INTS1: variants seen among roughly 807,000 people sequenced by gnomAD.
INTS1 encodes the protein integrator complex subunit 1.
In INTS1, 137 loss-of-function variants were observed where a neutral mutation model predicts 241.6. That is an observed-to-expected ratio of 0.57 (90% CI 0.49 to 0.65). INTS1 has a LOEUF of 0.65. INTS1 is among the 30% of genes least tolerant of loss of function. The pLI is 0.00. For missense variants in INTS1, 3,073 were observed against 3,032.2 expected (o/e 1.01, Z -0.32); for synonymous variants, 1,692 against 1,337.8 (o/e 1.26, Z -5.78).
intron 33 of INTS1, 68 bp downstream of exon 33, chr7:1,478,298 A>G: frequency 6.4e-7 from 1 of 1,555,724 alleles, no homozygotes; most frequent in South Asian, 1.1e-5. Context: ...CTGGGCAGCT[A>G]GAAGGAGCCT....
Position 1,471,173 on chromosome 7 carries a change from C to T in INTS1, c.6307G>A (p.Ala2103Thr), listed in dbSNP as rs537368704. ...ATGGAGCGCAGGGCCAGGCTGAAGG[C>T]GAGGTTGCGGCAACACTCCTCGGCC... is the stretch of plus-strand genomic sequence containing the variant. The part of the protein sequence containing the change: ...SSAEECCRNL[A>T]FSLALRSMQN... The change falls in exon 46 of 48, where the codon GCC (alanine) becomes ACC (threonine). Residue 2103 changes from alanine (A) to threonine (T), a missense_variant. Ala to Thr is a moderately conservative substitution (Grantham distance 58). Coordinates refer to ENST00000404767, the MANE Select transcript of INTS1 (RefSeq NM_001080453.3). The T allele has an allele frequency of 3.9e-5, 61 of 1,583,026 alleles. No homozygotes were observed. The highest frequency in any genetic ancestry group is 5.0e-5 in the Non-Finnish European group (58 of 1,166,096).
chr7:1,474,392 G>C lies in INTS1; in HGVS notation c.5637-32C>G, dbSNP rs577307045. Reference sequence around the variant, plus strand: ...GCGCGGTGAGGGCCCAGTCAGCCCCGGCCGGCGGGCTCACCTGGCGCACGT... The same window carrying C: ...GCGCGGTGAGGGCCCAGTCAGCCCCCGCCGGCGGGCTCACCTGGCGCACGT... On this transcript the variant is annotated intron_variant, in intron 40 of 47. Transcript: ENST00000404767. 3.2e-5 allele frequency: 50 copies of C among 1,548,012 alleles called. No individual in the cohort carries two copies. In the African/African-American group the frequency reaches 6.3e-4, roughly 20 times the overall value.
At position 1,474,801 on chromosome 7, in the gene INTS1, G is replaced by C. The variant is rs201606213; in HGVS notation, c.5540C>G (p.Ala1847Gly). The C allele has an allele frequency of 2.5e-6, 4 of 1,589,348 alleles. No homozygotes were observed. Among genetic ancestry groups the C allele is most frequent in the African/African-American group, 1.3e-5 (1 of 74,430 alleles). The change falls in exon 40 of 48, where the codon GCG becomes GGG. Residue 1847 changes from alanine (A) to glycine (G), a missense_variant. By Grantham distance (60) the Ala-to-Gly change is moderately conservative. Transcript: ENST00000404767. The stretch of plus-strand genomic sequence containing the variant: ...CAACGCCCGGGAGTCGCTGGTGTCC[G>C]CAAGGAGCGTGATGAAGCGGTGGAT... The part of the protein sequence containing the change: ...GLIHRFITLL[A>G]DTSDSRALEN...
rs977255204 is a variant in INTS1, at chr7:1,503,163, A to G, written c.87T>C (p.Ala29=). 5.8e-6 allele frequency: 9 copies of G among 1,553,336 alleles called. No homozygotes were observed. The highest frequency in any genetic ancestry group is 1.4e-5 in the African/African-American group (1 of 72,978). ...SGHPPPGDFI[A]LGSKGQANES... is the part of the protein sequence containing the mutation. ...CATTGGCCTGACCCTTTGAGCCCAG[A>G]GCAATGAAGTCTCCTGGGGGAGGGT... The change falls in exon 3 of 48, where the codon GCT becomes GCC. Residue 29 remains alanine (A), a synonymous_variant. Coordinates refer to ENST00000404767, the MANE Select transcript of INTS1 (RefSeq NM_001080453.3).
At position 1,487,349 on chromosome 7, in the gene INTS1, C is replaced by G; in HGVS notation, c.2617G>C (p.Asp873His). 1.2e-6 allele frequency: 2 copies of G among 1,605,864 alleles called. No homozygotes were observed. The highest frequency in any genetic ancestry group is 1.7e-6 in the Non-Finnish European group (2 of 1,176,568). Residue 873 changes from aspartate (D) to histidine (H), a missense_variant, in exon 20 of 48, where the codon GAC becomes CAC. Physicochemically the swap from Asp to His is moderately conservative, Grantham distance 81. Coordinates refer to ENST00000404767, the MANE Select transcript of INTS1 (RefSeq NM_001080453.3). ...CGCTGGATGATGTGGAGGAGAAAGTCAGGGTTTCGGCTGCGGCACAAGAGG... is the reference window on the plus strand; with the variant it reads ...CGCTGGATGATGTGGAGGAGAAAGTGAGGGTTTCGGCTGCGGCACAAGAGG... ...GHLLCRSRNP[D>H]FLLHIIQRQA...
At chr7:1,487,716 G>C (rs1211871738) in intron 19 of INTS1, 44 bp downstream of exon 19, 1 of 1,594,830 alleles carries the variant, frequency 6.3e-7, no homozygotes, top group South Asian at 1.1e-5. Context: ...ACCACCCACA[G>C]GTCCCGACGG....
rs1468041952 is a variant in INTS1 at position 1,489,639 on chromosome 7, C to G, written c.2209G>C (p.Ala737Pro). Residue 737 changes from alanine (A) to proline (P), a missense_variant, in exon 17 of 48, where the codon GCC becomes CCC. Coordinates refer to ENST00000404767, the MANE Select transcript of INTS1 (RefSeq NM_001080453.3). ...GCGACGACCAGCAGGAGGGGCCAGGCCTTCCAGTAGAGGGTAGAGATGGCG... is the reference window on the plus strand; with the variant it reads ...GCGACGACCAGCAGGAGGGGCCAGGGCTTCCAGTAGAGGGTAGAGATGGCG... ...NLAISTLYWK[A>P]WPLLLVVAAF... 6.3e-7 allele frequency: 1 copy of G among 1,590,154 alleles called. No homozygotes were observed. The highest frequency in any genetic ancestry group is 8.6e-7 in the Non-Finnish European group (1 of 1,167,540).
At position 1,504,080 on chromosome 7, in the gene INTS1, G is replaced by A. The variant is rs1004631698; in HGVS notation, c.-41-79C>T. The A allele has an allele frequency of 9.1e-6, 7 of 771,348 alleles. No homozygotes were observed. In the East Asian group the frequency reaches 9.4e-5, roughly 10 times the overall value. 47.8% of individuals were successfully genotyped at this position (771,348 alleles called of 1,614,324 possible). ...CTCATTCGCTCCCTTGCCGCACGGG[G>A]CTTGGGCCTGGGACCCGGGGACAGT... On this transcript the variant is annotated intron_variant, in intron 1 of 47. Coordinates refer to ENST00000404767, the MANE Select transcript of INTS1 (RefSeq NM_001080453.3).
chr7:1,493,975 A>T lies in INTS1; in HGVS notation c.1911-64T>A. The stretch of plus-strand genomic sequence containing the variant: ...CACACCTGCCAGACCTGAGGGGCCG[A>T]GGACAGGCCAGCTTCTCCCTCAGAG... On this transcript the variant is annotated intron_variant, in intron 14 of 47. Transcript: ENST00000404767. The surrounding 1 kb of genome is among the most constrained non-coding windows in gnomAD (Gnocchi z 5.3). The T allele has an allele frequency of 6.7e-7, 1 of 1,497,506 alleles. No homozygotes were observed. The allele number at this position is 1,497,506 out of a possible 1,614,324, so 92.8% of individuals were successfully genotyped here.
chr7:1,489,178 A>G (rs945270547), intron 18 of INTS1, among the ~76,000 whole-genome samples, 166 bp downstream of exon 18: 1 of 152,178 alleles, frequency 6.6e-6, no homozygotes, highest in African/African-American at 2.4e-5. Flanking sequence ...AGAAGAGAAC[A>G]AAGTGCAGCA....
At chr7:1,471,499 G>T in intron 45 of INTS1, 72 bp downstream of exon 45, 1 of 1,505,094 alleles carries the variant, frequency 6.6e-7, no homozygotes, top group South Asian at 1.1e-5. Flanking sequence ...CGCCATGTTG[G>T]GGTGGTGGCC....
intron 3 of INTS1, among the ~76,000 whole-genome samples, chr7:1,501,575 C>A (rs1481439990): frequency 2.0e-5 from 3 of 152,194 alleles, no homozygotes; most frequent in African/African-American, 7.2e-5. Flanking sequence ...CTCCTCTCAT[C>A]TTCAAAACCT....
rs780771348 is a variant in INTS1 at position 1,496,283 on chromosome 7, G to A, written c.1603-19C>T. 1 of 1,608,858 alleles carries A rather than the reference G, an allele frequency of 6.2e-7. No individual in the cohort carries two copies. The highest frequency in any genetic ancestry group is 1.7e-5 in the Admixed American group (1 of 59,978). ...AGCGCTCCTGCAGGTGCAGCACGGG[G>A]TCTGTATCCAGAAGGGACACCCGGG... On this transcript the variant is annotated intron_variant, in intron 11 of 47. Transcript: ENST00000404767.
In INTS1 at chr7:1,479,688, G is replaced by GT; in HGVS notation, c.4075-5_4075-4insA. On this transcript the variant is annotated splice_polypyrimidine_tract_variant and splice_region_variant and intron_variant, in intron 30 of 47. Transcript: ENST00000404767. ...GGTCCGGGCTGAGCGGGAAAATCTG[G>GT]AACGGGGAAGGCCAGTGTCAGGAGG... The GT allele has an allele frequency of 6.8e-7, 1 of 1,460,934 alleles. No individual in the cohort carries two copies. The highest frequency in any genetic ancestry group is 9.0e-7 in the Non-Finnish European group (1 of 1,105,214). The allele number at this position is 1,460,934 out of a possible 1,614,324, so 90.5% of individuals were successfully genotyped here.
intron 3 of INTS1, among the ~76,000 whole-genome samples, chr7:1,501,637 G>A (rs777557117): frequency 2.6e-5 from 4 of 152,284 alleles, no homozygotes; most frequent in South Asian, 2.1e-4. Context: ...AGCCGCCGGC[G>A]GCCGAGAGCC....
chr7:1,475,720 G>A (rs1303605102), intron 39 of INTS1, among the ~76,000 whole-genome samples: 1 of 152,254 alleles, frequency 6.6e-6, no homozygotes, highest in Non-Finnish European at 1.5e-5. Flanking sequence ...AGGCCACCCA[G>A]TGCCCACAAC....
Position 1,487,948 on chromosome 7 carries a change from G to A in INTS1, c.2328C>T (p.Ser776=), listed in dbSNP as rs779853081. 1 of 1,613,222 alleles carries A rather than the reference G, an allele frequency of 6.2e-7. No homozygotes were observed. Among genetic ancestry groups the A allele is most frequent in the Non-Finnish European group, 8.5e-7 (1 of 1,179,810 alleles). ...CATCCGTCAGGGTGCACGGTGGGTA[G>A]GAGTAGTTGCTAGGGCCAGACGGGG... is the stretch of plus-strand genomic sequence containing the variant. ...LMEMVMTNNY[S]YPPCTLTDEE... Residue 776 remains serine, a synonymous_variant, in exon 19 of 48, where the codon TCC becomes TCT. Coordinates refer to ENST00000404767, the MANE Select transcript of INTS1 (RefSeq NM_001080453.3).
chr7:1,503,440 G>A (rs570818988), intron 2 of INTS1, among the ~76,000 whole-genome samples: 21 of 152,302 alleles, frequency 1.4e-4, no homozygotes, highest in Non-Finnish European at 2.4e-4. Flanking sequence ...AGTGTGCTTA[G>A]TAACCCCCGC....
At chr7:1,503,664 G>A (rs975804732) in intron 2 of INTS1, among the ~76,000 whole-genome samples, 3 of 152,172 alleles carry the variant, frequency 2.0e-5, no homozygotes, top group Non-Finnish European at 2.9e-5. Context: ...CGGCCGCCTT[G>A]CAGCTCAGCC....
Sources: allele counts gnomAD v4.1 joint callset (sites outside exome capture counted in the v4.1 genomes callset), GRCh38; gene constraint gnomAD v4.1.1; non-coding constraint Gnocchi (gnomAD v3.1); transcripts MANE v1.5; gene names NCBI Gene and HGNC (gene_info 2026-07-23, HGNC 2026-07-21).